CCDC47: variants seen among roughly 807,000 people sequenced by gnomAD.
The protein encoded by CCDC47 is coiled-coil domain containing 47, also known as PAT complex subunit CCDC47.
In CCDC47, 41 loss-of-function variants were observed where a neutral mutation model predicts 60.5. The ratio of observed to expected loss-of-function variants is 0.68; its 90% CI spans 0.53 to 0.88. CCDC47 has a LOEUF of 0.88. Ranked by LOEUF, CCDC47 falls within the 40% of genes least tolerant of loss-of-function variation. The pLI, the probability that CCDC47 is intolerant of heterozygous loss-of-function variation, is 0.00. For missense variants in CCDC47, 513 were observed against 580.9 expected (o/e 0.88, Z 1.20); for synonymous variants, 195 against 190.7 (o/e 1.02, Z -0.18).
chr17:63,764,289 T>A, intron 3 of CCDC47, 99 bp from the exon 4 acceptor site: 1 of 842,452 alleles, frequency 1.2e-6, no homozygotes, highest in Non-Finnish European at 1.9e-6. Context: ...ACAGAAGGGA[T>A]ACTTCAGATA....
intron 1 of CCDC47, among the ~76,000 whole-genome samples, chr17:63,768,483 T>C (rs555149982): frequency 1.3e-5 from 2 of 152,008 alleles, no homozygotes; most frequent in African/African-American, 2.4e-5. Context: ...AGCCCAAGAG[T>C]TGGAGACCAG....
chr17:63,767,046 C>T lies in CCDC47; in HGVS notation c.-19-852G>A, dbSNP rs796508734. Reference sequence around the variant, plus strand: ...AACTAATTTAATCCTCATAACAACCCTCTAAGGAAAGCTGCAACATTAACA... The same window carrying T: ...AACTAATTTAATCCTCATAACAACCTTCTAAGGAAAGCTGCAACATTAACA... On this transcript the variant is annotated intron_variant, in intron 1 of 12. Transcript: ENST00000225726. The T allele has an allele frequency of 1.0e-5, 5 of 484,934 alleles. No homozygotes were observed. In the African/African-American group the frequency reaches 1.0e-4, roughly 10 times the overall value. The allele number at this position is 484,934 out of a possible 1,614,324, so 30.0% of individuals were successfully genotyped here. A position where few individuals can be genotyped will look rare whatever the true frequency, so the allele number is the denominator to read the frequency against.
intron 7 of CCDC47, 39 bp from the exon 8 acceptor site, chr17:63,756,389 T>C (rs1326076083): frequency 1.3e-6 from 2 of 1,589,830 alleles, no homozygotes; most frequent in African/African-American, 1.3e-5. Flanking sequence ...TATGACCTTT[T>C]ATTATGCAAT....
intron 1 of CCDC47, among the ~76,000 whole-genome samples, chr17:63,771,411 C>T (rs1048523264): frequency 6.6e-6 from 1 of 152,068 alleles, no homozygotes; most frequent in African/African-American, 2.4e-5. Context: ...TGGAACCAAT[C>T]CCCCATACAT....
chr17:63,771,226 T>TA (rs1026948689), intron 1 of CCDC47, among the ~76,000 whole-genome samples: 26 of 150,440 alleles, frequency 1.7e-4, no homozygotes, highest in Admixed American at 4.6e-4. Flanking sequence ...CAAGAACAGT[T>TA]AAAAAAAAAT....
At chr17:63,766,610 G>T (rs1568251871) in intron 1 of CCDC47, among the ~76,000 whole-genome samples, 1 of 152,100 alleles carries the variant, frequency 6.6e-6, no homozygotes, top group Non-Finnish European at 1.5e-5. Flanking sequence ...TTTTAGTAGA[G>T]ATGGGGTTTC....
chr17:63,769,662 GT>G (rs1431843522), intron 1 of CCDC47, among the ~76,000 whole-genome samples: 2 of 149,086 alleles, frequency 1.3e-5, no homozygotes, highest in Non-Finnish European at 3.0e-5. Context: ...AAACAAAAAA[GT>G]TTAACAGGGA....
At chr17:63,765,788 T>C in intron 2 of CCDC47, 124 bp downstream of exon 2, 1 of 1,330,956 alleles carries the variant, frequency 7.5e-7, no homozygotes, top group Non-Finnish European at 1.0e-6. Flanking sequence ...AGAAGAGCTC[T>C]ACCTAGTGAA....
In CCDC47 at chr17:63,746,254, C is replaced by G. The variant is rs1404127781; in HGVS notation, c.*627G>C. The G allele has an allele frequency of 2.0e-5, 3 of 152,220 alleles. No individual in the cohort carries two copies. Among genetic ancestry groups the G allele is most frequent in the Admixed American group, 1.3e-4 (2 of 15,276 alleles). 9.4% of individuals were successfully genotyped at this position (152,220 alleles called of 1,614,324 possible). On this transcript the variant is annotated 3_prime_UTR_variant, in exon 13 of 13. Coordinates refer to ENST00000225726, the MANE Select transcript of CCDC47 (RefSeq NM_020198.3). ...AATTTTCCATGTACATGTCAGTATC[C>G]TAATGCCTACAGACTTCCTATTAAT...
At chr17:63,754,899 A>G (rs1305795268) in intron 8 of CCDC47, among the ~76,000 whole-genome samples, 3 of 151,836 alleles carry the variant, frequency 2.0e-5, no homozygotes, top group Non-Finnish European at 2.9e-5. Context: ...AAGAAAAAAA[A>G]AAAAAAAGAA....
intron 5 of CCDC47, 25 bp downstream of exon 5, chr17:63,761,205 A>G: frequency 1.2e-6 from 2 of 1,613,964 alleles, no homozygotes; most frequent in Non-Finnish European, 1.7e-6. Context: ...GAAGATATAT[A>G]TCGTACAAGA....
At chr17:63,747,799 G>T (rs1407763730) in intron 12 of CCDC47, 1 of 984,792 alleles carries the variant, frequency 1.0e-6, no homozygotes, top group East Asian at 1.1e-4. Flanking sequence ...AACAAATTAG[G>T]TTTCAAAGGG....
Position 63,764,821 on chromosome 17 carries a change from A to G in CCDC47, c.291T>C (p.Tyr97=), listed in dbSNP as rs1356267615. Residue 97 remains tyrosine (Y), a synonymous_variant, in exon 3 of 13, where the codon TAT becomes TAC. Coordinates refer to ENST00000225726, the MANE Select transcript of CCDC47 (RefSeq NM_020198.3). ...TQEGDTESEP[Y]DDEEFEGYED... ...CATAACCTTCAAATTCTTCATCATCATATGGTTCACTCTCAGTATCTCCCT... is the reference window on the plus strand; with the variant it reads ...CATAACCTTCAAATTCTTCATCATCGTATGGTTCACTCTCAGTATCTCCCT... 4 of 1,613,254 alleles carry G rather than the reference A, an allele frequency of 2.5e-6. No homozygotes were observed. Among genetic ancestry groups the G allele is most frequent in the Non-Finnish European group, 3.4e-6 (4 of 1,179,840 alleles).
intron 12 of CCDC47, chr17:63,747,442 A>T (rs2039129240): frequency 2.0e-6 from 2 of 983,626 alleles, no homozygotes; most frequent in Non-Finnish European, 2.4e-6. Context: ...ATAATACTTA[A>T]ATTCATAATG....
intron 12 of CCDC47, among the ~76,000 whole-genome samples, chr17:63,750,895 C>T (rs2039158211): frequency 6.6e-6 from 1 of 151,122 alleles, no homozygotes; most frequent in Non-Finnish European, 1.5e-5. Flanking sequence ...CCTGTCCTCT[C>T]CCTCTTTTTT....
At chr17:63,755,404 G>A in intron 8 of CCDC47, 2 of 396,480 alleles carry the variant, frequency 5.0e-6, no homozygotes, top group Non-Finnish European at 6.8e-6. Context: ...TGGATCACTT[G>A]AGGCCAGGAA....
Position 63,764,201 on chromosome 17 carries a change from A to G in CCDC47, c.373-11T>C, listed in dbSNP as rs1356057688. 1.9e-6 allele frequency: 3 copies of G among 1,574,712 alleles called. No homozygotes were observed. Among genetic ancestry groups the G allele is most frequent in the Non-Finnish European group, 2.6e-6 (3 of 1,165,430 alleles). On this transcript the variant is annotated splice_polypyrimidine_tract_variant and intron_variant, in intron 3 of 12. Coordinates refer to ENST00000225726, the MANE Select transcript of CCDC47 (RefSeq NM_020198.3). ...GAGGTGTGCAGGAACCTAAAAAAGC[A>G]AAATCATTCCATTAAATGTTGGCTG...
intron 1 of CCDC47, among the ~76,000 whole-genome samples, chr17:63,771,112 A>G (rs924856771): frequency 6.6e-5 from 10 of 152,078 alleles, no homozygotes; most frequent in Non-Finnish European, 1.3e-4. Flanking sequence ...GGTACAAATG[A>G]TTTTGAGAAA....
intron 6 of CCDC47, among the ~76,000 whole-genome samples, chr17:63,759,527 T>TTTTA (rs2039236810): frequency 2.5e-4 from 1 of 3,960 alleles, no homozygotes; most frequent in Non-Finnish European, 3.4e-4. Flanking sequence ...ATATATATAT[T>TTTTA]TATATATATA....
Sources: gnomAD v4.1 joint callset for allele counts (sites outside exome capture counted in the v4.1 genomes callset) on GRCh38, gnomAD v4.1.1 for gene constraint, MANE v1.5 for transcripts, NCBI Gene and HGNC (gene_info 2026-07-23, HGNC 2026-07-21) for gene names.